Variants in CCDC178 observed in about 807,000 individuals in gnomAD.
The protein encoded by CCDC178 is coiled-coil domain-containing protein 178.
A neutral mutation model predicts 117.4 loss-of-function variants in CCDC178; 126 were observed. The observed-to-expected ratio is 1.07, with a 90% CI of 0.93 to 1.24. CCDC178 has a LOEUF of 1.24. Ranked by LOEUF, CCDC178 falls within the 50% of genes most tolerant of loss-of-function variation. CCDC178 has a pLI of 0.00. For missense variants in CCDC178, 1,030 were observed against 986.9 expected, an observed-to-expected ratio of 1.04 and a Z score of -0.59; for synonymous variants, 283 against 313.4, an observed-to-expected ratio of 0.90 and a Z score of 1.02.
intron 20 of CCDC178, among the ~76,000 whole-genome samples, chr18:33,164,599 C>CAAA (rs34066381): frequency 3.6e-5 from 5 of 137,672 alleles, no homozygotes; most frequent in African/African-American, 1.1e-4. Flanking sequence ...TCTTCCCTAG[C>CAAA]AAAAAAAAAA....
intron 7 of CCDC178, among the ~76,000 whole-genome samples, chr18:33,355,377 T>C (rs1056374611): frequency 2.0e-5 from 3 of 152,202 alleles, no homozygotes. Flanking sequence ...TTCACTTAAA[T>C]GGCTGGCAAC....
At position 33,049,704 on chromosome 18, in the gene CCDC178, C is replaced by G. The variant is rs149445534; in HGVS notation, c.2388+43057G>C. ...GAAGATAGATGCATCACACTTTTTG[C>G]TAATCAACAGTAACAGAAAAATCAG... On this transcript the variant is annotated intron_variant, in intron 21 of 22. Transcript: ENST00000383096. 1.7e-3 allele frequency among the ~76,000 whole-genome samples: 262 copies of G among 152,166 alleles called. 2 individuals carry two copies. Among genetic ancestry groups the G allele is most frequent in the African/African-American group, 6.1e-3 (252 of 41,526 alleles).
intron 20 of CCDC178, among the ~76,000 whole-genome samples, chr18:33,100,044 T>G (rs1318698224): frequency 6.6e-6 from 1 of 151,892 alleles, no homozygotes; most frequent in African/African-American, 2.4e-5. Flanking sequence ...AGAAAAGCAG[T>G]ATGGGAGGTA....
chr18:32,984,872 T>C (rs1357095213), intron 21 of CCDC178, among the ~76,000 whole-genome samples: 1 of 151,952 alleles, frequency 6.6e-6, no homozygotes, highest in Admixed American at 6.6e-5. Context: ...CTTGTCAGTC[T>C]TTTGCCCAAA....
chr18:33,419,658 C>T (rs2063996911), intron 2 of CCDC178, among the ~76,000 whole-genome samples: 1 of 152,082 alleles, frequency 6.6e-6, no homozygotes, highest in Admixed American at 6.5e-5. Context: ...AAAAGAAATA[C>T]ACGTGGCCAA....
chr18:33,401,814 T>G (rs1051789070), intron 3 of CCDC178, among the ~76,000 whole-genome samples: 5 of 152,204 alleles, frequency 3.3e-5, no homozygotes, highest in Admixed American at 6.5e-5. Context: ...TTTATTTATA[T>G]AAGTTGAAAA....
intron 22 of CCDC178, among the ~76,000 whole-genome samples, chr18:32,950,590 A>G (rs2054459289): frequency 6.6e-6 from 1 of 152,120 alleles, no homozygotes; most frequent in Admixed American, 6.6e-5. Context: ...TCCAACAGTT[A>G]CAGTTACCCA....
intron 20 of CCDC178, among the ~76,000 whole-genome samples, chr18:33,184,176 T>C (rs956449045): frequency 1.3e-5 from 2 of 152,094 alleles, no homozygotes; most frequent in African/African-American, 4.8e-5. Context: ...CAAATGTCAA[T>C]GACTTGTGCA....
intron 21 of CCDC178, among the ~76,000 whole-genome samples, chr18:33,044,829 T>C (rs2056613476): frequency 6.6e-6 from 1 of 152,170 alleles, no homozygotes; most frequent in Admixed American, 6.6e-5. Context: ...ACTGATGGAC[T>C]ACTACTCAGC....
intron 21 of CCDC178, among the ~76,000 whole-genome samples, chr18:33,076,808 C>A (rs1325191418): frequency 2.0e-5 from 3 of 152,248 alleles, no homozygotes; most frequent in Admixed American, 2.0e-4. Context: ...ACTCTGTATT[C>A]TCTGCTACAT....
intron 21 of CCDC178, among the ~76,000 whole-genome samples, chr18:33,005,587 T>C (rs996905339): frequency 2.0e-5 from 3 of 152,018 alleles, no homozygotes; most frequent in African/African-American, 7.2e-5. Context: ...AACTTGTACA[T>C]TTTAAAATAA....
At chr18:33,311,686 A>C (rs1327125399) in intron 11 of CCDC178, among the ~76,000 whole-genome samples, 1 of 152,198 alleles carries the variant, frequency 6.6e-6, no homozygotes, top group Non-Finnish European at 1.5e-5. Context: ...TGTGCCACCA[A>C]GGTGCTTCAC....
In CCDC178 at chr18:33,211,989, T is replaced by C; in HGVS notation, c.2145A>G (p.Gln715=). Residue 715 remains glutamine, a synonymous_variant, in exon 20 of 23, where the codon CAA becomes CAG. Coordinates refer to ENST00000383096, the MANE Select transcript of CCDC178 (RefSeq NM_001105528.4). ...TTCTCTCTTCACAGTCTTTTTTCTC[T>C]TGCATATAATGATCAAACACAGTTT... ...HAQTVFDHYM[Q]EKKDCEERIF... The C allele has an allele frequency of 6.2e-7, 1 of 1,609,094 alleles. No homozygotes were observed.
chr18:33,432,340 A>G (rs1180188808), intron 2 of CCDC178, among the ~76,000 whole-genome samples: 1 of 152,142 alleles, frequency 6.6e-6, no homozygotes, highest in African/African-American at 2.4e-5. Flanking sequence ...CATGCTTTCT[A>G]TACCAGCAAA....
At chr18:33,338,939 A>T (rs1568159349) in intron 9 of CCDC178, among the ~76,000 whole-genome samples, 1 of 152,142 alleles carries the variant, frequency 6.6e-6, no homozygotes, top group Non-Finnish European at 1.5e-5. Flanking sequence ...ATTAGCCTTA[A>T]CAGAAGTTTT....
At chr18:32,972,804 A>T (rs2054956196) in intron 22 of CCDC178, among the ~76,000 whole-genome samples, 1 of 151,992 alleles carries the variant, frequency 6.6e-6, no homozygotes, top group South Asian at 2.1e-4. Flanking sequence ...TGTAGACTTG[A>T]TTTTTTTCCC....
rs9963049 is a variant in CCDC178 at position 33,190,081 on chromosome 18, C to G, written c.2238+21815G>C. 8.5e-3 allele frequency among the ~76,000 whole-genome samples: 1,288 copies of G among 152,258 alleles called. 16 individuals carry two copies. Among genetic ancestry groups the G allele is most frequent in the African/African-American group, 0.029 (1,203 of 41,544 alleles). On this transcript the variant is annotated intron_variant, in intron 20 of 22. Coordinates refer to ENST00000383096, the MANE Select transcript of CCDC178 (RefSeq NM_001105528.4). ...TGTGGACAACAAAGGTAGCTGACAC[C>G]TAGAAGCAGTAGCTTCCTGCAGAAC...
chr18:33,411,312 T>C (rs1004894475), intron 3 of CCDC178, among the ~76,000 whole-genome samples: 2 of 152,182 alleles, frequency 1.3e-5, no homozygotes, highest in African/African-American at 4.8e-5. Flanking sequence ...AATTTTAGAT[T>C]TTGTGGGCCA....
At position 33,300,194 on chromosome 18, in the gene CCDC178, T is replaced by A. The variant is rs114018239; in HGVS notation, c.1023-6882A>T. On this transcript the variant is annotated intron_variant, in intron 11 of 22. Coordinates refer to ENST00000383096, the MANE Select transcript of CCDC178 (RefSeq NM_001105528.4). ...GCCTGCTTGCCTGCTCCCACTTCAC[T>A]TTCCTCCATGATTGTTACCTTCCTG... Among the ~76,000 whole-genome samples, 1,090 of 152,264 alleles carry A rather than the reference T, an allele frequency of 7.2e-3. 8 individuals carry two copies. Among genetic ancestry groups the A allele is most frequent in the African/African-American group, 0.025 (1,034 of 41,542 alleles).
Sources: gnomAD v4.1 joint callset for allele counts (sites outside exome capture counted in the v4.1 genomes callset) on GRCh38, gnomAD v4.1.1 for gene constraint, MANE v1.5 for transcripts, NCBI Gene and HGNC (gene_info 2026-07-23, HGNC 2026-07-21) for gene names.